Variants in CSMD3 observed in about 807,000 individuals in gnomAD.
The protein encoded by CSMD3 is CUB and Sushi multiple domains 3.
A neutral mutation model predicts 435.2 loss-of-function variants in CSMD3; 177 were observed. The ratio of observed to expected loss-of-function variants is 0.41; its 90% CI spans 0.36 to 0.46. The LOEUF (loss-of-function observed/expected upper bound fraction) is 0.46, where lower values mean the gene tolerates loss of function less well. Ranked by LOEUF, CSMD3 falls within the 20% of genes least tolerant of loss-of-function variation. The pLI is 0.34. For missense variants in CSMD3, 4,265 were observed against 4,504.6 expected, an observed-to-expected ratio of 0.95 and a Z score of 1.52; for synonymous variants, 1,656 against 1,520.5, an observed-to-expected ratio of 1.09 and a Z score of -2.07.
intron 16 of CSMD3, among the ~76,000 whole-genome samples, chr8:112,672,876 G>C (rs1161977941): frequency 6.6e-6 from 1 of 152,044 alleles, no homozygotes; most frequent in Non-Finnish European, 1.5e-5. Context: ...GAAAGAATCA[G>C]AAGTGCTTCA....
chr8:112,986,803 C>G (rs889714810), intron 6 of CSMD3, among the ~76,000 whole-genome samples: 1 of 151,988 alleles, frequency 6.6e-6, no homozygotes, highest in East Asian at 1.9e-4. Flanking sequence ...ATTTACCCAA[C>G]CTCACAATAT....
Position 112,695,837 on chromosome 8 carries a change from C to T in CSMD3, c.1973-5787G>A, listed in dbSNP as rs900461684. On this transcript the variant is annotated intron_variant, in intron 13 of 70. Transcript: ENST00000297405. ...TGATTGCATATTTAGAAAACCCCAT[C>T]GTCTCAGCCCAAAATCTCCTTAGGC... is the stretch of plus-strand genomic sequence containing the variant. Among the ~76,000 whole-genome samples, 8 of 152,170 alleles carry T rather than the reference C, an allele frequency of 5.3e-5. 1 individual carries two copies. Among genetic ancestry groups the T allele is most frequent in the African/African-American group, 2.4e-5 (1 of 41,450 alleles).
intron 5 of CSMD3, among the ~76,000 whole-genome samples, chr8:113,067,541 A>G (rs1021025051): frequency 6.6e-6 from 1 of 152,074 alleles, no homozygotes; most frequent in African/African-American, 2.4e-5. Context: ...TTTGCCATTG[A>G]ACACAATAGC....
chr8:112,412,797 C>A (rs989301673), intron 32 of CSMD3, among the ~76,000 whole-genome samples: 1 of 152,082 alleles, frequency 6.6e-6, no homozygotes, highest in Non-Finnish European at 1.5e-5. Flanking sequence ...GGGTTAAATG[C>A]TAGGGTTAAG....
intron 5 of CSMD3, among the ~76,000 whole-genome samples, chr8:113,073,862 C>G (rs1325316552): frequency 1.3e-5 from 2 of 151,820 alleles, no homozygotes; most frequent in Non-Finnish European, 3.0e-5. Context: ...TAATTAATTA[C>G]AGGCTTTGCT....
intron 1 of CSMD3, among the ~76,000 whole-genome samples, chr8:113,334,446 A>G (rs556933001): frequency 6.6e-6 from 1 of 151,532 alleles, no homozygotes; most frequent in African/African-American, 2.4e-5. Context: ...TGGTCATGTT[A>G]TAATTATTTT....
rs201996793 is a variant in CSMD3 at position 112,244,519 on chromosome 8, T to A, written c.10277A>T (p.Asp3426Val). Residue 3426 changes from aspartate to valine, a missense_variant, in exon 65 of 71, where the codon GAC (aspartate) becomes GTC (valine). By Grantham distance (152) the Asp-to-Val change is radical (BLOSUM62 -3). Around this residue, in one of 3 missense-constraint regions of CSMD3, gnomAD observed 3,255 missense variants for 3,380.2 expected, o/e 0.96. Transcript: ENST00000297405. Reference protein sequence around the residue: ...TPAHANVVGMDLPSHGYTLIY... With the variant: ...TPAHANVVGMVLPSHGYTLIY... ...CAGTGTATACCCATGAGATGGAAGG[T>A]CCATCCCTACGACATTTGCATGAGC... The A allele has an allele frequency of 4.7e-5, 76 of 1,613,776 alleles. No homozygotes were observed. Among genetic ancestry groups the A allele is most frequent in the Non-Finnish European group, 6.2e-5 (73 of 1,179,848 alleles).
chr8:113,347,544 G>T (rs2094160339), intron 1 of CSMD3, among the ~76,000 whole-genome samples: 1 of 152,100 alleles, frequency 6.6e-6, no homozygotes, highest in African/African-American at 2.4e-5. Flanking sequence ...TCATGGTTTG[G>T]AGAGCAAGAG....
chr8:112,266,381 G>C (rs1816946834), intron 59 of CSMD3, among the ~76,000 whole-genome samples: 1 of 152,260 alleles, frequency 6.6e-6, no homozygotes, highest in South Asian at 2.1e-4. Context: ...AGGTTGTCAG[G>C]AGCAAAAGGT....
intron 4 of CSMD3, among the ~76,000 whole-genome samples, chr8:113,117,771 T>C (rs746447961): frequency 2.0e-5 from 3 of 152,214 alleles, no homozygotes; most frequent in Non-Finnish European, 2.9e-5. Context: ...ATGTGAGACA[T>C]GGGATCAAAG....
At chr8:113,304,794 T>G in intron 2 of CSMD3, among the ~76,000 whole-genome samples, 1 of 129,328 alleles carries the variant, frequency 7.7e-6, no homozygotes, top group African/African-American at 2.9e-5. Context: ...GGGATAGCAT[T>G]GGGAGATGTA....
Position 112,295,712 on chromosome 8 carries a change from T to C in CSMD3, c.8614+121A>G. 5 of 844,914 alleles carry C rather than the reference T, an allele frequency of 5.9e-6. 1 individual carries two copies. The Middle Eastern group carries it at 1.6e-3, about 277-fold the overall frequency. 52.3% of individuals were successfully genotyped at this position (844,914 alleles called of 1,614,324 possible). ...TGCATAGCAGTATCAAATTGGATTG[T>C]GGAAATTTACTTTATATTGATATAT... On this transcript the variant is annotated intron_variant, in intron 54 of 70. Coordinates refer to ENST00000297405, the MANE Select transcript of CSMD3 (RefSeq NM_198123.2).
chr8:112,643,661 T>C (rs192559870), intron 20 of CSMD3: 1 of 165,380 alleles, frequency 6.0e-6, no homozygotes, highest in African/African-American at 2.4e-5. Flanking sequence ...CACACTGGGA[T>C]AATGGGACAC....
intron 13 of CSMD3, among the ~76,000 whole-genome samples, chr8:112,708,688 T>C (rs2076548524): frequency 6.9e-6 from 1 of 144,296 alleles, no homozygotes. Flanking sequence ...TGAATATATA[T>C]TGGAAAACCA....
chr8:112,377,954 C>G (rs1829106924), intron 38 of CSMD3, among the ~76,000 whole-genome samples: 1 of 152,078 alleles, frequency 6.6e-6, no homozygotes, highest in Admixed American at 6.6e-5. Context: ...AAGATATCCA[C>G]TCTCTCCACT....
chr8:112,418,921 GGTTAT>G (rs2130245100), intron 32 of CSMD3, among the ~76,000 whole-genome samples: 1 of 152,060 alleles, frequency 6.6e-6, no homozygotes, highest in East Asian at 1.9e-4. Context: ...AATTACCTTA[GGTTAT>G]GCATATAAGA....
At chr8:113,428,154 A>G (rs1429554890) in intron 1 of CSMD3, among the ~76,000 whole-genome samples, 6 of 151,702 alleles carry the variant, frequency 4.0e-5, no homozygotes, top group African/African-American at 1.4e-4. Context: ...TAAGTGAAAG[A>G]TGTTGAAAAT....
At chr8:112,252,446 T>C (rs1815352816) in intron 63 of CSMD3, among the ~76,000 whole-genome samples, 1 of 151,902 alleles carries the variant, frequency 6.6e-6, no homozygotes, top group Non-Finnish European at 1.5e-5. Flanking sequence ...ATGGATTCTT[T>C]CTTTGGGAGT....
chr8:113,070,908 T>C (rs780544785), intron 5 of CSMD3, among the ~76,000 whole-genome samples: 23 of 152,042 alleles, frequency 1.5e-4, no homozygotes, highest in Non-Finnish European at 2.9e-4. Flanking sequence ...CTATTTACCA[T>C]AAAGAGCATA....
Sources: gnomAD v4.1 joint callset for allele counts (sites outside exome capture counted in the v4.1 genomes callset) on GRCh38, gnomAD v4.1.1 for gene constraint, gnomAD v4.1.1 regional missense constraint, MANE v1.5 for transcripts, NCBI Gene and HGNC (gene_info 2026-07-23, HGNC 2026-07-21) for gene names.